The following CDYL variants were observed in gnomAD, a reference collection of about 807,000 sequenced individuals.
CDYL encodes chromodomain Y-like protein.
Under a neutral mutation model 47.3 loss-of-function variants are expected in CDYL, and 8 were observed. The ratio of observed to expected loss-of-function variants is 0.17; its 90% CI spans 0.10 to 0.31. The LOEUF (loss-of-function observed/expected upper bound fraction) is 0.31, where lower values mean the gene tolerates loss of function less well. CDYL is among the 10% of genes least tolerant of loss of function. The pLI, the probability that CDYL is intolerant of heterozygous loss-of-function variation, is 1.00. For synonymous variants in CDYL, 266 were observed against 265.0 expected (o/e 1.00, Z -0.04); for missense variants, 471 against 701.4 (o/e 0.67, Z 3.71).
At position 4,954,204 on chromosome 6, in the gene CDYL, A is replaced by C. The variant is rs1487631252; in HGVS notation, c.*148A>C. ...AGGACTGGGAACATCCACGCTATTT[A>C]TTATCGAGGAGTTTTAAAGTACTGT... is the stretch of plus-strand genomic sequence containing the variant. On this transcript the variant is annotated 3_prime_UTR_variant, in exon 7 of 7. Coordinates refer to ENST00000397588, the MANE Select transcript of CDYL (RefSeq NM_004824.4). The C allele has an allele frequency of 2.8e-6, 2 of 703,598 alleles. No homozygotes were observed. The highest frequency in any genetic ancestry group is 1.8e-5 in the African/African-American group (1 of 56,080). The allele number at this position is 703,598 out of a possible 1,614,324, so 43.6% of individuals were successfully genotyped here.
At chr6:4,847,312 G>C (rs1760691288) in intron 1 of CDYL, among the ~76,000 whole-genome samples, 1 of 152,184 alleles carries the variant, frequency 6.6e-6, no homozygotes, top group East Asian at 1.9e-4. Context: ...GGTCCACCCA[G>C]CTGTTGTAGG....
intron 2 of CDYL, among the ~76,000 whole-genome samples, chr6:4,927,428 CGTGTGTGT>C (rs35317751): frequency 0.01 from 1,443 of 142,562 alleles, 14 homozygotes; most frequent in South Asian, 0.035. Context: ...ATTTACTGTA[CGTGTGTGT>C]GTGTGTGTGT....
intron 1 of CDYL, among the ~76,000 whole-genome samples, chr6:4,853,028 G>T (rs1483081044): frequency 1.3e-5 from 2 of 152,088 alleles, no homozygotes; most frequent in Non-Finnish European, 2.9e-5. Flanking sequence ...GGCCTCAAGT[G>T]GTCCTCCTCT....
intron 1 of CDYL, among the ~76,000 whole-genome samples, chr6:4,884,545 T>C (rs1356448324): frequency 3.9e-5 from 6 of 152,136 alleles, no homozygotes; most frequent in Non-Finnish European, 7.4e-5. Context: ...CAGGGATCTT[T>C]TGCATTTCTG....
chr6:4,794,782 G>C (rs894465166), intron 1 of CDYL, among the ~76,000 whole-genome samples: 3 of 152,084 alleles, frequency 2.0e-5, no homozygotes, highest in African/African-American at 7.2e-5. Flanking sequence ...AGTTTTTGTT[G>C]TTGTTGTTGT....
chr6:4,767,016 A>G (rs574441585), intron 3 of CDYL, among the ~76,000 whole-genome samples: 1 of 152,148 alleles, frequency 6.6e-6, no homozygotes, highest in Admixed American at 6.5e-5. Context: ...AAAAATTAAC[A>G]AGAAAGAAAA....
At chr6:4,888,714 T>A (rs1173724807) in intron 1 of CDYL, among the ~76,000 whole-genome samples, 1 of 152,174 alleles carries the variant, frequency 6.6e-6, no homozygotes, top group Non-Finnish European at 1.5e-5. Flanking sequence ...AGGTTATTGA[T>A]TTGAGGTCTT....
At chr6:4,724,719 T>C (rs566633508) in intron 2 of CDYL, 1 of 152,372 alleles carries the variant, frequency 6.6e-6, no homozygotes, top group African/African-American at 2.4e-5. Flanking sequence ...TTCCTCTCGT[T>C]GGGTTCGTGG....
intron 1 of CDYL, among the ~76,000 whole-genome samples, chr6:4,796,286 T>TA (rs201156188): frequency 6.6e-6 from 1 of 152,164 alleles, no homozygotes; most frequent in African/African-American, 2.4e-5. Context: ...CCAAAAAGTA[T>TA]AAAAAATGAA....
At chr6:4,711,451 TTC>T (rs1388363555) in intron 1 of CDYL, among the ~76,000 whole-genome samples, 1 of 152,160 alleles carries the variant, frequency 6.6e-6, no homozygotes, top group Non-Finnish European at 1.5e-5. Context: ...ACCCTCACCT[TTC>T]TCTCTTAGTC....
intron 3 of CDYL, among the ~76,000 whole-genome samples, chr6:4,738,572 C>G (rs531072345): frequency 6.6e-6 from 1 of 152,186 alleles, no homozygotes; most frequent in Non-Finnish European, 1.5e-5. Flanking sequence ...GATTCTCATG[C>G]ACTATTAGTG....
At chr6:4,804,730 C>G (rs1196932117) in intron 1 of CDYL, among the ~76,000 whole-genome samples, 1 of 152,200 alleles carries the variant, frequency 6.6e-6, no homozygotes, top group African/African-American at 2.4e-5. Context: ...GGTCCATTCT[C>G]CTACTCATGA....
intron 1 of CDYL, among the ~76,000 whole-genome samples, chr6:4,839,511 G>C (rs1228709513): frequency 6.6e-6 from 1 of 152,158 alleles, no homozygotes; most frequent in African/African-American, 2.4e-5. Context: ...TTGTCTCAAA[G>C]GGTTTTTCTG....
chr6:4,792,049 A>AT (rs768229405), intron 1 of CDYL, among the ~76,000 whole-genome samples: 5,021 of 137,616 alleles, frequency 0.036, 261 homozygotes, highest in African/African-American at 0.11. Flanking sequence ...CGCCCGGCTA[A>AT]TTTTTTTTTT....
intron 2 of CDYL, among the ~76,000 whole-genome samples, chr6:4,911,877 A>C (rs1757423995): frequency 6.6e-6 from 1 of 152,234 alleles, no homozygotes. Context: ...AGTAAAGTTG[A>C]GTCAAAGAAA....
intron 2 of CDYL, among the ~76,000 whole-genome samples, chr6:4,903,902 A>G (rs991876479): frequency 3.3e-5 from 5 of 152,202 alleles, no homozygotes; most frequent in Non-Finnish European, 7.3e-5. Flanking sequence ...AGTTTCTGGA[A>G]GCTCCATGCC....
intron 1 of CDYL, among the ~76,000 whole-genome samples, chr6:4,815,907 AAAAAGTCCTTTTCTTTATCAACATTAT>A (rs1759661394): frequency 6.6e-6 from 1 of 151,134 alleles, no homozygotes; most frequent in Non-Finnish European, 1.5e-5. Flanking sequence ...TGTCTTGGTT[AAAAAGTCCTTTTCTTTATCAACATTAT>A]AAACACCCTC....
intron 1 of CDYL, among the ~76,000 whole-genome samples, chr6:4,808,082 CAG>C (rs1491268198): frequency 6.6e-6 from 1 of 152,174 alleles, no homozygotes; most frequent in Non-Finnish European, 1.5e-5. Context: ...ACAGGACACT[CAG>C]GGTGCATCTT....
intron 1 of CDYL, among the ~76,000 whole-genome samples, chr6:4,712,578 C>T (rs940968932): frequency 5.9e-5 from 9 of 152,204 alleles, no homozygotes; most frequent in African/African-American, 1.9e-4. Context: ...AGGACAGCTG[C>T]GGATGGTGGG....
Sources: allele counts gnomAD v4.1 joint callset (sites outside exome capture counted in the v4.1 genomes callset), GRCh38; gene constraint gnomAD v4.1.1; transcripts MANE v1.5; gene names NCBI Gene and HGNC (gene_info 2026-07-23, HGNC 2026-07-21).